The following DNAJC21 variants were observed in gnomAD, a reference collection of about 807,000 sequenced individuals.
DNAJC21 encodes the protein dnaJ homolog subfamily C member 21.
In DNAJC21, 63 loss-of-function variants were observed where a neutral mutation model predicts 72.4. That is an observed-to-expected ratio of 0.87 (90% CI 0.71 to 1.07). The LOEUF is 1.07. Ranked by LOEUF, DNAJC21 falls within the 50% of genes least tolerant of loss-of-function variation. The pLI is 0.00. For synonymous variants in DNAJC21, 203 were observed against 216.7 expected, an observed-to-expected ratio of 0.94 and a Z score of 0.56; for missense variants, 634 against 644.8, an observed-to-expected ratio of 0.98 and a Z score of 0.18.
intron 5 of DNAJC21, among the ~76,000 whole-genome samples, chr5:34,938,046 C>T (rs529554225): frequency 2.3e-4 from 35 of 152,240 alleles, no homozygotes; most frequent in Admixed American, 5.9e-4. Flanking sequence ...GATCTGCCCG[C>T]CTCAGCCTCC....
rs762491366 is a variant in DNAJC21 at position 34,929,825 on chromosome 5, G to A, written c.6G>A (p.Lys2=). The A allele has an allele frequency of 9.2e-6, 14 of 1,525,038 alleles. No homozygotes were observed. The highest frequency in any genetic ancestry group is 1.2e-5 in the Non-Finnish European group (14 of 1,132,610). 94.5% of individuals were successfully genotyped at this position (1,525,038 alleles called of 1,614,324 possible). ...GCCGCCCGCCCGGTCGGGCGATGAA[G>A]TGTCACTATGAGGCGCTGGGGGTGC... M[K]CHYEALGVRR... The change falls in exon 1 of 12, where the codon AAG becomes AAA. Residue 2 remains lysine, a synonymous_variant. Coordinates refer to ENST00000648817, the MANE Select transcript of DNAJC21 (RefSeq NM_001012339.3).
Position 34,933,970 on chromosome 5 carries a change from G to T in DNAJC21, c.191+62G>T. On this transcript the variant is annotated intron_variant, in intron 2 of 11. Transcript: ENST00000648817. ...ATGTTGGGAGCAGTTATCAATATAGGTGGTTGTTTTTTCAAATTTAGTACA... is the reference window on the plus strand; with the variant it reads ...ATGTTGGGAGCAGTTATCAATATAGTTGGTTGTTTTTTCAAATTTAGTACA... The T allele has an allele frequency of 2.0e-6, 3 of 1,486,550 alleles. 1 individual carries two copies. The South Asian group carries it at 3.7e-5, about 18-fold the overall frequency. The allele number at this position is 1,486,550 out of a possible 1,614,324, so 92.1% of individuals were successfully genotyped here. A position where few individuals can be genotyped will look rare whatever the true frequency, so the allele number is the denominator to read the frequency against.
At chr5:34,947,991 A>G (rs1249525861) in intron 9 of DNAJC21, among the ~76,000 whole-genome samples, 1 of 152,176 alleles carries the variant, frequency 6.6e-6, no homozygotes, top group Non-Finnish European at 1.5e-5. Context: ...TTTGTTCACA[A>G]TGTAGGTTGT....
chr5:34,929,935 G>A lies in DNAJC21; in HGVS notation c.97+19G>A, dbSNP rs750682372. On this transcript the variant is annotated intron_variant, in intron 1 of 11. Coordinates refer to ENST00000648817, the MANE Select transcript of DNAJC21 (RefSeq NM_001012339.3). ...CACCCGGGTAAGTACCTGTCCCGCA[G>A]CCCCCGCGGCCACTCGGAGAAGCCC... The A allele has an allele frequency of 6.5e-7, 1 of 1,541,360 alleles. No homozygotes were observed. Among genetic ancestry groups the A allele is most frequent in the African/African-American group, 1.4e-5 (1 of 70,788 alleles).
rs1165466636 is a variant in DNAJC21, at chr5:34,954,536, T to G, written c.1435-17T>G. 1.3e-6 allele frequency: 2 copies of G among 1,584,398 alleles called. No individual in the cohort carries two copies. Among genetic ancestry groups the G allele is most frequent in the East Asian group, 2.3e-5 (1 of 44,158 alleles). ...TGATAACGCTTACTTTTATTTATGA[T>G]TTTTTGCCCTTCTCAGAGTGTTCTT... On this transcript the variant is annotated splice_polypyrimidine_tract_variant and intron_variant, in intron 11 of 11. Coordinates refer to ENST00000648817, the MANE Select transcript of DNAJC21 (RefSeq NM_001012339.3).
chr5:34,945,691 A>G, intron 8 of DNAJC21, 70 bp from the exon 9 acceptor site: 2 of 1,297,808 alleles, frequency 1.5e-6, no homozygotes, highest in Non-Finnish European at 2.1e-6. Flanking sequence ...TAGTGTTTCA[A>G]CTTTTTTTTT....
At position 34,954,709 on chromosome 5, in the gene DNAJC21, A is replaced by C. The variant is rs1189700984; in HGVS notation, c.1591A>C (p.Arg531=). 2 of 1,596,288 alleles carry C rather than the reference A, an allele frequency of 1.3e-6. No homozygotes were observed. Among genetic ancestry groups the C allele is most frequent in the Non-Finnish European group, 1.7e-6 (2 of 1,172,288 alleles). ...AAGCAAGAAAGAGAAACGTAAAAACAGATAGAGATTCTGCCTGTGCTTTTG... is the reference window on the plus strand; with the variant it reads ...AAGCAAGAAAGAGAAACGTAAAAACCGATAGAGATTCTGCCTGTGCTTTTG... ...SQSKKEKRKN[R] The change falls in exon 12 of 12, where the codon AGA becomes CGA. Residue 531 remains arginine, a synonymous_variant. Coordinates refer to ENST00000648817, the MANE Select transcript of DNAJC21 (RefSeq NM_001012339.3).
intron 3 of DNAJC21, 129 bp from the exon 4 acceptor site, chr5:34,936,015 T>C (rs1357636831): frequency 7.0e-7 from 1 of 1,433,224 alleles, no homozygotes; most frequent in Middle Eastern, 2.1e-4. Context: ...GAAATCTAAA[T>C]GTATTGCAGG....
Position 34,956,117 on chromosome 5 carries a change from T to G in DNAJC21, c.*1403T>G, listed in dbSNP as rs1353445384. 6.6e-6 allele frequency: 1 copy of G among 152,324 alleles called. No individual in the cohort carries two copies. The highest frequency in any genetic ancestry group is 1.9e-4 in the East Asian group (1 of 5,196). The allele number at this position is 152,324 out of a possible 1,614,324, so 9.4% of individuals were successfully genotyped here. A position where few individuals can be genotyped will look rare whatever the true frequency, so the allele number is the denominator to read the frequency against. On this transcript the variant is annotated 3_prime_UTR_variant, in exon 12 of 12. Transcript: ENST00000648817. ...TCACTGGCTTGAAATGTGTGCTTTCTGTACAATGAAGTTATTGCTTTCCAT... is the reference window on the plus strand; with the variant it reads ...TCACTGGCTTGAAATGTGTGCTTTCGGTACAATGAAGTTATTGCTTTCCAT...
At chr5:34,930,925 T>A (rs1404496894) in intron 1 of DNAJC21, among the ~76,000 whole-genome samples, 1 of 152,214 alleles carries the variant, frequency 6.6e-6, no homozygotes, top group Admixed American at 6.5e-5. Context: ...TAATATATGC[T>A]CCAGGAATTC....
chr5:34,953,308 C>T (rs966283339), intron 10 of DNAJC21, among the ~76,000 whole-genome samples: 1 of 151,926 alleles, frequency 6.6e-6, no homozygotes, highest in African/African-American at 2.4e-5. Flanking sequence ...GTCACCCCAG[C>T]TAGAATGCAG....
chr5:34,947,252 A>C (rs1031594908), intron 9 of DNAJC21, among the ~76,000 whole-genome samples: 1 of 152,188 alleles, frequency 6.6e-6, no homozygotes, highest in African/African-American at 2.4e-5. Context: ...AATTCAAGTA[A>C]CTCAAACATA....
chr5:34,953,874 G>A (rs371173028), intron 10 of DNAJC21, 52 bp from the exon 11 acceptor site: 8 of 1,433,900 alleles, frequency 5.6e-6, no homozygotes, highest in Non-Finnish European at 7.7e-6. Flanking sequence ...AAATAATGAT[G>A]GTTAAAAGGA....
chr5:34,945,244 AT>A (rs1343460427), intron 8 of DNAJC21, among the ~76,000 whole-genome samples: 4 of 151,928 alleles, frequency 2.6e-5, no homozygotes, highest in Non-Finnish European at 5.9e-5. Flanking sequence ...CGCCCAGCTA[AT>A]TTTTGTGTTT....
chr5:34,945,000 G>GA lies in DNAJC21; in HGVS notation c.1120dup (p.Met374AsnfsTer11). 6.2e-7 allele frequency: 1 copy of GA among 1,613,566 alleles called. No individual in the cohort carries two copies. Among genetic ancestry groups the GA allele is most frequent in the African/African-American group, 1.3e-5 (1 of 74,988 alleles). On this transcript the variant is annotated frameshift_variant, in exon 8 of 12. Transcript: ENST00000648817. LOFTEE classifies it high-confidence loss of function. ...TCCATTAGATGACAATTCTGAGGAA[G>GA]AAATGGAAGATGCACCAAAACAAAA... is the stretch of plus-strand genomic sequence containing the variant.
chr5:34,931,002 G>A (rs1212384607), intron 1 of DNAJC21, among the ~76,000 whole-genome samples: 2 of 152,224 alleles, frequency 1.3e-5, no homozygotes, highest in Non-Finnish European at 2.9e-5. Flanking sequence ...GGATCGTAGA[G>A]GAATGCAATT....
chr5:34,941,081 G>A lies in DNAJC21; in HGVS notation c.896-15G>A, dbSNP rs765045715. The A allele has an allele frequency of 3.1e-6, 5 of 1,608,902 alleles. No homozygotes were observed. The highest frequency in any genetic ancestry group is 1.7e-4 in the Middle Eastern group (1 of 6,042). On this transcript the variant is annotated splice_polypyrimidine_tract_variant and intron_variant, in intron 6 of 11. Coordinates refer to ENST00000648817, the MANE Select transcript of DNAJC21 (RefSeq NM_001012339.3). The stretch of plus-strand genomic sequence containing the variant: ...TGATCAAAGAGGGTTCTTACTGTAG[G>A]CTTCCCTGTCATAGGTAAAGACAGT...
At chr5:34,946,828 T>TA (rs1464274867) in intron 9 of DNAJC21, among the ~76,000 whole-genome samples, 1 of 152,172 alleles carries the variant, frequency 6.6e-6, no homozygotes, top group Non-Finnish European at 1.5e-5. Context: ...TTACCTTGAT[T>TA]AATGGAGCAT....
At chr5:34,931,091 T>C (rs1480929506) in intron 1 of DNAJC21, among the ~76,000 whole-genome samples, 2 of 151,754 alleles carry the variant, frequency 1.3e-5, no homozygotes, top group Non-Finnish European at 2.9e-5. Context: ...TGACTGAAGG[T>C]GGTGTGTATT....
Sources: allele counts gnomAD v4.1 joint callset (sites outside exome capture counted in the v4.1 genomes callset), GRCh38; gene constraint gnomAD v4.1.1; transcripts MANE v1.5; gene names NCBI Gene and HGNC (gene_info 2026-07-23, HGNC 2026-07-21).